Variants in NDUFA10 observed in about 807,000 individuals in gnomAD.
NDUFA10 encodes NADH dehydrogenase [ubiquinone] 1 alpha subcomplex subunit 10, mitochondrial.
In NDUFA10, 40 loss-of-function variants were observed where a neutral mutation model predicts 47.8. The ratio of observed to expected loss-of-function variants is 0.84; its 90% CI spans 0.65 to 1.09. The LOEUF (loss-of-function observed/expected upper bound fraction) is 1.09, where lower values mean the gene tolerates loss of function less well. Among genes scored for constraint, NDUFA10 ranks in the 50% least tolerant of loss-of-function variants. The pLI, the probability that NDUFA10 is intolerant of heterozygous loss-of-function variation, is 0.00. For missense variants in NDUFA10, 413 were observed against 451.1 expected, an observed-to-expected ratio of 0.92 and a Z score of 0.76; for synonymous variants, 183 against 172.2, an observed-to-expected ratio of 1.06 and a Z score of -0.49.
At chr2:240,011,068 G>A (rs1253069076) in intron 6 of NDUFA10, among the ~76,000 whole-genome samples, 2 of 152,206 alleles carry the variant, frequency 1.3e-5, no homozygotes, top group African/African-American at 4.8e-5. Flanking sequence ...AGCGCAGAAT[G>A]ACAAGCCATA....
At chr2:239,919,289 A>G (rs933451711) in intron 4 of NDUFA10, among the ~76,000 whole-genome samples, 1 of 152,030 alleles carries the variant, frequency 6.6e-6, no homozygotes, top group Non-Finnish European at 1.5e-5. Context: ...GGTTTGTCTC[A>G]TGCCCCCTTT....
chr2:239,947,987 A>C (rs1446496531), intron 4 of NDUFA10, among the ~76,000 whole-genome samples: 1 of 152,186 alleles, frequency 6.6e-6, no homozygotes. Context: ...CCTGCCCTTC[A>C]AGCTGGTCTT....
chr2:239,956,821 C>T (rs1694665864), downstream of NDUFA10, among the ~76,000 whole-genome samples: 1 of 152,238 alleles, frequency 6.6e-6, no homozygotes, highest in East Asian at 1.9e-4. Context: ...GCTCTCTACC[C>T]TACCTGCTTG....
At chr2:239,912,205 G>C (rs1319317492) in intron 4 of NDUFA10, among the ~76,000 whole-genome samples, 2 of 152,172 alleles carry the variant, frequency 1.3e-5, no homozygotes, top group Admixed American at 1.3e-4. Flanking sequence ...ACCCCCCTCT[G>C]GTCCTGCTGG....
intron 9 of NDUFA10, among the ~76,000 whole-genome samples, chr2:239,974,349 G>A (rs1285064405): frequency 6.6e-6 from 1 of 152,204 alleles, no homozygotes; most frequent in Non-Finnish European, 1.5e-5. Flanking sequence ...CAAGTGACAA[G>A]ACAAACACTC....
chr2:240,015,738 C>T lies in NDUFA10; in HGVS notation c.548-878G>A, dbSNP rs551655358. 3.9e-3 allele frequency among the ~76,000 whole-genome samples: 599 copies of T among 152,372 alleles called. 3 individuals are homozygous for T. Among genetic ancestry groups the T allele is most frequent in the Non-Finnish European group, 4.1e-3 (282 of 68,042 alleles). ...ACCTCCCAGAAGCCAACAGAGAGTG[C>T]ACGCCAGTGCATGTGGAGAGGCCAT... On this transcript the variant is annotated intron_variant, in intron 4 of 9. Coordinates refer to ENST00000252711, the MANE Select transcript of NDUFA10 (RefSeq NM_004544.4).
At chr2:240,000,877 T>A (rs1305222321) in intron 8 of NDUFA10, among the ~76,000 whole-genome samples, 1 of 152,264 alleles carries the variant, frequency 6.6e-6, no homozygotes, top group Admixed American at 6.5e-5. Flanking sequence ...GGTTATAGCA[T>A]CTACGCTTGT....
At chr2:239,996,354 G>A (rs1433327771) in intron 8 of NDUFA10, among the ~76,000 whole-genome samples, 1 of 152,164 alleles carries the variant, frequency 6.6e-6, no homozygotes, top group African/African-American at 2.4e-5. Flanking sequence ...CAGACCACAA[G>A]AGAATTAAAC....
chr2:239,975,924 G>A (rs963637450), intron 9 of NDUFA10, among the ~76,000 whole-genome samples: 2 of 152,094 alleles, frequency 1.3e-5, no homozygotes, highest in African/African-American at 2.4e-5. Flanking sequence ...CACCAGCCAG[G>A]AAAATGTCAT....
chr2:239,917,934 G>A (rs868848237), intron 4 of NDUFA10, among the ~76,000 whole-genome samples: 2 of 152,306 alleles, frequency 1.3e-5, no homozygotes, highest in South Asian at 2.1e-4. Context: ...TTCAGCAGAG[G>A]AGCAGCACCC....
Position 239,945,411 on chromosome 2 carries a change from G to C in NDUFA10, c.294+44663C>G, listed in dbSNP as rs988666163. Among the ~76,000 whole-genome samples, 1 of 152,190 alleles carries C rather than the reference G, an allele frequency of 6.6e-6. No homozygotes were observed. The highest frequency in any genetic ancestry group is 2.4e-5 in the African/African-American group (1 of 41,458). The stretch of plus-strand genomic sequence containing the variant: ...TACCCAGACCAAGCTCCTCACCTCT[G>C]AGCGTCGCTCCAGCTCCTTTCAAAG... On this transcript the variant is annotated intron_variant, in intron 4 of 5. Coordinates refer to the NDUFA10 transcript ENST00000419408. The surrounding 1 kb of genome is among the most constrained non-coding windows in gnomAD (Gnocchi z 4.6).
chr2:239,982,673 A>AC lies in NDUFA10; in HGVS notation c.999+7400dup, dbSNP rs1252413201. 3.9e-5 allele frequency among the ~76,000 whole-genome samples: 6 copies of AC among 152,344 alleles called. No homozygotes were observed. The East Asian group carries it at 1.2e-3, about 29-fold the overall frequency. ...AGCTATGCCTGTTGTCTCCAGCTGA[A>AC]CTAGACAGAAATGAGATGAAGGCAA... On this transcript the variant is annotated intron_variant, in intron 9 of 9. Coordinates refer to ENST00000252711, the MANE Select transcript of NDUFA10 (RefSeq NM_004544.4).
At chr2:239,942,484 C>A (rs537573312) in intron 4 of NDUFA10, among the ~76,000 whole-genome samples, 34 of 152,350 alleles carry the variant, frequency 2.2e-4, no homozygotes, top group African/African-American at 8.2e-4. Context: ...TGGTTTGGTT[C>A]TGACACTGTT....
intron 8 of NDUFA10, among the ~76,000 whole-genome samples, chr2:240,003,879 G>A (rs1447357452): frequency 6.6e-6 from 1 of 152,144 alleles, no homozygotes; most frequent in Non-Finnish European, 1.5e-5. Flanking sequence ...ATCACCGGTG[G>A]GAAGGTCAAT....
chr2:239,967,940 G>A (rs1300003916), intron 9 of NDUFA10, among the ~76,000 whole-genome samples: 1 of 149,018 alleles, frequency 6.7e-6, no homozygotes, highest in Admixed American at 6.7e-5. Context: ...TGCTTCAAAT[G>A]CCAGCTGTTC....
At chr2:239,988,454 A>G (rs1005260762) in intron 9 of NDUFA10, among the ~76,000 whole-genome samples, 6 of 152,312 alleles carry the variant, frequency 3.9e-5, no homozygotes, top group African/African-American at 1.4e-4. Flanking sequence ...CACACCTCCT[A>G]CAGGAAAGGA....
chr2:239,959,108 C>A lies in NDUFA10; in HGVS notation c.*2010G>T, dbSNP rs550532335. On this transcript the variant is annotated 3_prime_UTR_variant, in exon 10 of 10. Transcript: ENST00000252711. ...CTGAACATGCATGTCATTGAAAACA[C>A]CAGAAAATCAAACAGACGAATGTCC... 6.1e-6 allele frequency: 6 copies of A among 985,348 alleles called. No individual in the cohort carries two copies. In the African/African-American group the frequency reaches 1.0e-4, roughly 17 times the overall value. 61.0% of individuals were successfully genotyped at this position (985,348 alleles called of 1,614,324 possible).
intron 4 of NDUFA10, among the ~76,000 whole-genome samples, chr2:239,899,004 G>A (rs1421071907): frequency 1.3e-4 from 15 of 114,698 alleles, no homozygotes; most frequent in African/African-American, 4.1e-4. Flanking sequence ...TGATGGAGAG[G>A]TGTGATGGAG....
chr2:239,918,278 GGCA>G (rs1337189582), intron 4 of NDUFA10, among the ~76,000 whole-genome samples: 1 of 152,198 alleles, frequency 6.6e-6, no homozygotes, highest in East Asian at 1.9e-4. Flanking sequence ...CACAGCCCTG[GGCA>G]GCAACAGGCC....
Sources: gnomAD v4.1 joint callset for allele counts (sites outside exome capture counted in the v4.1 genomes callset) on GRCh38, gnomAD v4.1.1 for gene constraint, Gnocchi (gnomAD v3.1) non-coding constraint, MANE v1.5 for transcripts, NCBI Gene and HGNC (gene_info 2026-07-23, HGNC 2026-07-21) for gene names.